Variants in PLAC1 observed in about 807,000 individuals in gnomAD.
PLAC1 encodes the protein placenta-specific protein 1.
For synonymous variants in PLAC1, 68 were observed against 62.1 expected, an observed-to-expected ratio of 1.09 and a Z score of -0.44; for missense variants, 136 against 163.2, an observed-to-expected ratio of 0.83 and a Z score of 0.91.
At chrX:134,712,540 G>A (rs2078631109) in intron 2 of PLAC1, among the ~76,000 whole-genome samples, 1 of 111,509 alleles carries the variant, frequency 9.0e-6, no homozygotes, top group Admixed American at 9.6e-5. Flanking sequence ...AAATTCACAA[G>A]TATGAGTTGA....
intron 2 of PLAC1, among the ~76,000 whole-genome samples, chrX:134,568,165 T>C (rs753792885): frequency 8.9e-6 from 1 of 112,587 alleles, no homozygotes; most frequent in Non-Finnish European, 1.9e-5. Flanking sequence ...AATCACATAG[T>C]AAAGTACCTA....
chrX:134,631,197 G>A (rs757585614), intron 1 of PLAC1, among the ~76,000 whole-genome samples: 6 of 113,005 alleles, frequency 5.3e-5, no homozygotes, highest in Non-Finnish European at 7.5e-5. Flanking sequence ...AATTATGCAC[G>A]TAAAGGCCTG....
Position 134,673,530 on chromosome X carries a change from T to TA in PLAC1, n.174+59904dup, listed in dbSNP as rs200958739. 4.9e-3 allele frequency among the ~76,000 whole-genome samples: 544 copies of TA among 110,444 alleles called. 6 individuals carry two copies. The highest frequency in any genetic ancestry group is 0.017 in the African/African-American group (524 of 30,267). On this transcript the variant is annotated intron_variant and non_coding_transcript_variant, in intron 2 of 2. Coordinates refer to the PLAC1 transcript ENST00000466797. ...ATCATAGTCTCAATTTTTTTTTTTTTAATAAATGGAGAGGTTTAGTAGACC... is the reference window on the plus strand; with the variant it reads ...ATCATAGTCTCAATTTTTTTTTTTTTAAATAAATGGAGAGGTTTAGTAGACC...
chrX:134,662,352 C>T (rs1368679143), upstream of PLAC1, among the ~76,000 whole-genome samples: 1 of 112,715 alleles, frequency 8.9e-6, no homozygotes, highest in Admixed American at 9.4e-5. Context: ...TCTTTTATAT[C>T]AGTATACTGG....
intron 2 of PLAC1, among the ~76,000 whole-genome samples, chrX:134,568,042 GTATC>G (rs1314695367): frequency 8.9e-6 from 1 of 112,078 alleles, no homozygotes; most frequent in East Asian, 2.8e-4. Flanking sequence ...CTAGGAATAA[GTATC>G]TAAAACATGC....
intron 1 of PLAC1, among the ~76,000 whole-genome samples, chrX:134,648,069 AC>A (rs2078343321): frequency 1.8e-5 from 2 of 111,078 alleles, no homozygotes; most frequent in Admixed American, 9.6e-5. Context: ...CACCCCCAGC[AC>A]CCTGCCTGGA....
intron 1 of PLAC1, among the ~76,000 whole-genome samples, chrX:134,645,284 A>G (rs1335105076): frequency 2.7e-5 from 3 of 112,494 alleles, no homozygotes; most frequent in Non-Finnish European, 5.6e-5. Flanking sequence ...CAAGTGAGAT[A>G]ATGGATACCA....
chrX:134,604,236 C>T (rs2078111620), intron 1 of PLAC1, among the ~76,000 whole-genome samples: 1 of 112,818 alleles, frequency 8.9e-6, no homozygotes, highest in Non-Finnish European at 1.9e-5. Flanking sequence ...TGGTCCCTGA[C>T]ATAAGCATGT....
chrX:134,605,370 T>C (rs2078117394), intron 1 of PLAC1, among the ~76,000 whole-genome samples: 2 of 112,064 alleles, frequency 1.8e-5, no homozygotes, highest in Admixed American at 9.5e-5. Flanking sequence ...GGGATGTCCA[T>C]TCATCCAGCT....
At chrX:134,606,997 G>A (rs754960771) in intron 1 of PLAC1, among the ~76,000 whole-genome samples, 1 of 112,228 alleles carries the variant, frequency 8.9e-6, no homozygotes, top group Non-Finnish European at 1.9e-5. Flanking sequence ...ATGCATGTAG[G>A]AAGTCTGCAC....
intron 1 of PLAC1, among the ~76,000 whole-genome samples, chrX:134,638,614 A>C (rs2078294066): frequency 8.9e-6 from 1 of 111,733 alleles, no homozygotes; most frequent in Non-Finnish European, 1.9e-5. Context: ...GTAAAGAAAG[A>C]TTCCCATCCT....
At chrX:134,756,938 G>A (rs1463721150) in intron 1 of PLAC1, among the ~76,000 whole-genome samples, 1 of 111,543 alleles carries the variant, frequency 9.0e-6, no homozygotes, top group Admixed American at 9.5e-5. Context: ...ATTCAGGCAC[G>A]AGTCCAATAA....
rs771329635 is a variant in PLAC1 at position 134,744,520 on chromosome X, G to A, written n.90-11001C>T. 9.0e-5 allele frequency among the ~76,000 whole-genome samples: 10 copies of A among 111,540 alleles called. No homozygotes were observed. The South Asian group carries it at 2.6e-3, about 29-fold the overall frequency. On this transcript the variant is annotated intron_variant and non_coding_transcript_variant, in intron 1 of 2. Transcript: ENST00000466797. ...GGGAATTATCATAATACCTGTCCCC[G>A]CTGGGTTATAGTGAGGAGTCAATTA...
At chrX:134,728,214 A>G (rs2147841747) in intron 2 of PLAC1, among the ~76,000 whole-genome samples, 1 of 111,729 alleles carries the variant, frequency 9.0e-6, no homozygotes, top group East Asian at 2.8e-4. Context: ...AAAGGAGTAT[A>G]AAGAATGTTT....
At chrX:134,669,600 C>T (rs182551906) in intron 2 of PLAC1, among the ~76,000 whole-genome samples, 33 of 111,900 alleles carry the variant, frequency 2.9e-4, no homozygotes, top group Admixed American at 2.4e-3. Context: ...GAGGTGATCC[C>T]GGAGGGGAGC....
intron 1 of PLAC1, among the ~76,000 whole-genome samples, chrX:134,656,108 G>T (rs2078390318): frequency 8.9e-6 from 1 of 111,992 alleles, no homozygotes; most frequent in Non-Finnish European, 1.9e-5. Context: ...AACACCTGCT[G>T]CACTGTGAAT....
At chrX:134,721,892 G>A (rs2078659114) in intron 2 of PLAC1, among the ~76,000 whole-genome samples, 1 of 111,217 alleles carries the variant, frequency 9.0e-6, no homozygotes, top group African/African-American at 3.3e-5. Flanking sequence ...ATAAAAAAAG[G>A]CAGATAATAA....
rs1007357222 is a variant in PLAC1, at chrX:134,677,146, T to C, written n.174+56289A>G. Among the ~76,000 whole-genome samples the C allele has an allele frequency of 4.5e-5, 5 of 111,496 alleles. 1 individual carries two copies. The highest frequency in any genetic ancestry group is 3.8e-4 in the South Asian group (1 of 2,622). ...AATATGGATTGTTTTAAAAGCCCTC[T>C]GGGTGATTCCGACGTCCACTCGCTG... On this transcript the variant is annotated intron_variant and non_coding_transcript_variant, in intron 2 of 2. Transcript: ENST00000466797.
At chrX:134,750,715 G>T (rs2147850869) in intron 1 of PLAC1, among the ~76,000 whole-genome samples, 1 of 97,095 alleles carries the variant, frequency 1.0e-5, no homozygotes, top group South Asian at 4.8e-4. Context: ...CCAGCACTTT[G>T]GGAGGCCGAG....
Sources: gnomAD v4.1 joint callset for allele counts (sites outside exome capture counted in the v4.1 genomes callset) on GRCh38, gnomAD v4.1.1 for gene constraint, MANE v1.5 for transcripts, NCBI Gene and HGNC (gene_info 2026-07-23, HGNC 2026-07-21) for gene names.